The following MAF variants were observed in gnomAD, a reference collection of about 807,000 sequenced individuals.
MAF encodes MAF bZIP transcription factor.
In MAF, 10 loss-of-function variants were observed where a neutral mutation model predicts 22.0. The observed-to-expected ratio is 0.45, with a 90% CI of 0.28 to 0.77. MAF has a LOEUF of 0.77. Ranked by LOEUF, MAF falls within the 30% of genes least tolerant of loss-of-function variation. MAF has a pLI of 0.12. For missense variants in MAF, 544 were observed against 548.4 expected (o/e 0.99, Z 0.08); for synonymous variants, 337 against 255.8 (o/e 1.32, Z -3.03).
the MAF span, among the ~76,000 whole-genome samples, chr16:79,481,035 A>G: frequency 1.3e-5 from 2 of 152,302 alleles, no homozygotes; most frequent in Middle Eastern, 6.8e-3. Flanking sequence ...CACAACCTGT[A>G]GTGTGTATGT....
chr16:79,248,581 A>C, the MAF span, among the ~76,000 whole-genome samples: 2 of 152,190 alleles, frequency 1.3e-5, no homozygotes, highest in African/African-American at 4.8e-5. Flanking sequence ...CCTCCCCTGA[A>C]GATTAACTTA....
the MAF span, among the ~76,000 whole-genome samples, chr16:79,259,297 TG>T: frequency 6.6e-6 from 1 of 152,136 alleles, no homozygotes; most frequent in African/African-American, 2.4e-5. Flanking sequence ...TCCCCATGCT[TG>T]GAAAACTGGC....
chr16:79,281,421 C>G, the MAF span, among the ~76,000 whole-genome samples: 22 of 152,022 alleles, frequency 1.4e-4, no homozygotes, highest in Non-Finnish European at 2.9e-4. Context: ...GTACTTAATA[C>G]CAAATATTTA....
the MAF span, among the ~76,000 whole-genome samples, chr16:79,486,354 G>A: frequency 6.6e-6 from 1 of 152,160 alleles, no homozygotes; most frequent in East Asian, 1.9e-4. Flanking sequence ...AGTTTTGAAA[G>A]TGATCTTAGA....
At chr16:79,223,631 A>C in the MAF span, among the ~76,000 whole-genome samples, 1 of 152,244 alleles carries the variant, frequency 6.6e-6, no homozygotes, top group South Asian at 2.1e-4. Flanking sequence ...ATAAAGAAGA[A>C]AAGAGGGAAG....
At chr16:79,358,572 G>A in the MAF span, among the ~76,000 whole-genome samples, 1 of 152,164 alleles carries the variant, frequency 6.6e-6, no homozygotes, top group South Asian at 2.1e-4. Flanking sequence ...TGCAGTGAAG[G>A]ATCCCACCTT....
chr16:79,422,147 C>A, the MAF span, among the ~76,000 whole-genome samples: 6,974 of 152,214 alleles, frequency 0.046, 341 homozygotes, highest in African/African-American at 0.12. Flanking sequence ...GAGGACAGAG[C>A]ATTCTGGAAA....
chr16:79,373,668 G>A, the MAF span, among the ~76,000 whole-genome samples: 11 of 151,992 alleles, frequency 7.2e-5, no homozygotes, highest in African/African-American at 2.2e-4. Context: ...GTGAGCCACC[G>A]CATCCAGCCT....
the MAF span, among the ~76,000 whole-genome samples, chr16:79,264,098 A>G: frequency 6.6e-6 from 1 of 152,196 alleles, no homozygotes; most frequent in Non-Finnish European, 1.5e-5. Flanking sequence ...ATGAAGATTG[A>G]AATCCCTCCT....
At chr16:79,233,547 T>C in the MAF span, among the ~76,000 whole-genome samples, 11 of 152,128 alleles carry the variant, frequency 7.2e-5, no homozygotes, top group African/African-American at 2.2e-4. Context: ...TAATCATCAA[T>C]GGCAAATACA....
the MAF span, among the ~76,000 whole-genome samples, chr16:79,412,227 A>C: frequency 3.3e-5 from 5 of 152,216 alleles, no homozygotes; most frequent in African/African-American, 1.2e-4. Flanking sequence ...TGTCAAGAGC[A>C]CAAGTTCACA....
chr16:79,513,417 G>A, the MAF span, among the ~76,000 whole-genome samples: 1 of 152,370 alleles, frequency 6.6e-6, no homozygotes, highest in East Asian at 1.9e-4. Flanking sequence ...GAGCTGTCAT[G>A]AGGATTTGAG....
chr16:79,277,952 A>G, the MAF span, among the ~76,000 whole-genome samples: 1 of 152,174 alleles, frequency 6.6e-6, no homozygotes, highest in Non-Finnish European at 1.5e-5. Context: ...TCTGTTAAGA[A>G]TGCAGGTTCC....
the MAF span, among the ~76,000 whole-genome samples, chr16:79,266,374 C>A: frequency 6.6e-6 from 1 of 152,160 alleles, no homozygotes; most frequent in African/African-American, 2.4e-5. Context: ...CTGTAATATA[C>A]CTTGAATCCA....
chr16:79,211,679 C>G, the MAF span: 1 of 1,614,238 alleles, frequency 6.2e-7, no homozygotes, highest in Non-Finnish European at 8.5e-7. Context: ...GGATGTACTT[C>G]AACAACTGCT....
chr16:79,469,488 C>G, the MAF span, among the ~76,000 whole-genome samples: 4 of 152,172 alleles, frequency 2.6e-5, no homozygotes, highest in African/African-American at 9.7e-5. Context: ...ATAAAATTGT[C>G]TACTTCATTG....
the MAF span, among the ~76,000 whole-genome samples, chr16:79,256,538 G>A: frequency 6.6e-6 from 1 of 152,114 alleles, no homozygotes; most frequent in Non-Finnish European, 1.5e-5. Flanking sequence ...GGTGACCACA[G>A]ACAAGGACAC....
At chr16:79,555,403 G>T in the MAF span, among the ~76,000 whole-genome samples, 2 of 152,118 alleles carry the variant, frequency 1.3e-5, no homozygotes, top group African/African-American at 4.8e-5. Context: ...CTGAGCCATG[G>T]TGTACTGGTA....
chr16:79,547,286 T>TAC, the MAF span, among the ~76,000 whole-genome samples: 15 of 150,836 alleles, frequency 9.9e-5, no homozygotes, highest in Non-Finnish European at 7.4e-5. Flanking sequence ...CACACGCACA[T>TAC]ACACACACAC....
Sources: allele counts gnomAD v4.1 joint callset (sites outside exome capture counted in the v4.1 genomes callset), GRCh38; gene constraint gnomAD v4.1.1; transcripts MANE v1.5; gene names NCBI Gene and HGNC (gene_info 2026-07-23, HGNC 2026-07-21).